The following MAP2K5 variants were observed in gnomAD, a reference collection of about 807,000 sequenced individuals.
The protein encoded by MAP2K5 is mitogen-activated protein kinase kinase 5.
Under a neutral mutation model 83.1 loss-of-function variants are expected in MAP2K5, and 49 were observed. The observed-to-expected ratio is 0.59, with a 90% CI of 0.47 to 0.75. MAP2K5 has a LOEUF of 0.75. Ranked by LOEUF, MAP2K5 falls within the 30% of genes least tolerant of loss-of-function variation. The pLI is 0.00. For synonymous variants in MAP2K5, 202 were observed against 191.8 expected (o/e 1.05, Z -0.44); for missense variants, 457 against 557.5 (o/e 0.82, Z 1.82).
At chr15:67,613,310 C>A (rs940697776) in intron 8 of MAP2K5, among the ~76,000 whole-genome samples, 1 of 152,120 alleles carries the variant, frequency 6.6e-6, no homozygotes, top group Non-Finnish European at 1.5e-5. Context: ...ATTCCTAAGA[C>A]AATTCAAAAA....
At chr15:67,729,662 G>C (rs966823261) in intron 17 of MAP2K5, among the ~76,000 whole-genome samples, 1 of 152,008 alleles carries the variant, frequency 6.6e-6, no homozygotes, top group African/African-American at 2.4e-5. Context: ...TGTAGTCCCT[G>C]CTGAGGCAGG....
chr15:67,664,745 C>T lies in MAP2K5; in HGVS notation c.847+100C>T, dbSNP rs565691740. On this transcript the variant is annotated intron_variant, in intron 13 of 21. Coordinates refer to ENST00000178640, the MANE Select transcript of MAP2K5 (RefSeq NM_145160.3). ...GTAAGTGTTCTGACATTTAAGCCAG[C>T]TGATACATCTGGTACTCAAAAAGAT... 1.3e-4 allele frequency: 95 copies of T among 706,538 alleles called. No homozygotes were observed. The African/African-American group carries it at 1.5e-3, about 11-fold the overall frequency. The allele number at this position is 706,538 out of a possible 1,614,324, so 43.8% of individuals were successfully genotyped here.
Position 67,794,653 on chromosome 15 carries a change from A to T in MAP2K5, c.1243-11993A>T, listed in dbSNP as rs1435270024. On this transcript the variant is annotated intron_variant, in intron 21 of 21. Transcript: ENST00000178640. The surrounding 1 kb of genome is among the most constrained non-coding windows in gnomAD (Gnocchi z 4.6). ...CATCACAGCTGAAAAAAAAAAAAAA[A>T]AAAAGACGGTACTTCATTTAGCGTT... Among the ~76,000 whole-genome samples the T allele has an allele frequency of 6.6e-6, 1 of 152,032 alleles. No individual in the cohort carries two copies. Among genetic ancestry groups the T allele is most frequent in the Non-Finnish European group, 1.5e-5 (1 of 68,008 alleles).
chr15:67,718,539 G>A (rs1013185782), intron 16 of MAP2K5, among the ~76,000 whole-genome samples: 42 of 152,204 alleles, frequency 2.8e-4, no homozygotes, highest in African/African-American at 9.9e-4. Flanking sequence ...TGAGGTGGGT[G>A]GATCACTTGA....
rs1269197873 is a variant in MAP2K5, at chr15:67,637,081, T to C, written c.585+6154T>C. On this transcript the variant is annotated intron_variant, in intron 9 of 21. Coordinates refer to ENST00000178640, the MANE Select transcript of MAP2K5 (RefSeq NM_145160.3). The surrounding 1 kb of genome is among the most constrained non-coding windows in gnomAD (Gnocchi z 4.5). ...TTTTGGACTCTTGGACCTACACCAG[T>C]GATTTGCCGGGGGCTTTCAGGCCTT... is the stretch of plus-strand genomic sequence containing the variant. Among the ~76,000 whole-genome samples, 1 of 152,134 alleles carries C rather than the reference T, an allele frequency of 6.6e-6. No individual in the cohort carries two copies. Among genetic ancestry groups the C allele is most frequent in the Non-Finnish European group, 1.5e-5 (1 of 68,022 alleles).
At chr15:67,605,316 G>T (rs1015298082) in intron 8 of MAP2K5, among the ~76,000 whole-genome samples, 1 of 151,786 alleles carries the variant, frequency 6.6e-6, no homozygotes, top group Non-Finnish European at 1.5e-5. Context: ...GCCTCCCAAA[G>T]TGCTGGGATT....
At chr15:67,721,307 G>C (rs531720300) in intron 16 of MAP2K5, among the ~76,000 whole-genome samples, 1 of 152,132 alleles carries the variant, frequency 6.6e-6, no homozygotes, top group African/African-American at 2.4e-5. Flanking sequence ...GCTACTGTTT[G>C]GGCTCCTTAA....
chr15:67,642,602 C>G lies in MAP2K5; in HGVS notation c.586-3629C>G, dbSNP rs7174461. On this transcript the variant is annotated intron_variant, in intron 9 of 21. Coordinates refer to ENST00000178640, the MANE Select transcript of MAP2K5 (RefSeq NM_145160.3). The stretch of plus-strand genomic sequence containing the variant: ...AGAGAGAGGAAGCACACCCCAAGTA[C>G]AGGAAACAGCAGGAGCAAAGGCTGT... 5.5e-6 allele frequency: 4 copies of G among 730,554 alleles called. No homozygotes were observed. In the African/African-American group the frequency reaches 6.9e-5, roughly 13 times the overall value. The allele number at this position is 730,554 out of a possible 1,614,324, so 45.3% of individuals were successfully genotyped here. A position where few individuals can be genotyped will look rare whatever the true frequency, so the allele number is the denominator to read the frequency against.
rs1198473226 is a variant in MAP2K5 at position 67,806,621 on chromosome 15, C to T, written c.1243-25C>T. 10 of 1,543,424 alleles carry T rather than the reference C, an allele frequency of 6.5e-6. No individual in the cohort carries two copies. In the Middle Eastern group the frequency reaches 6.7e-4, roughly 104 times the overall value. On this transcript the variant is annotated intron_variant, in intron 21 of 21. Transcript: ENST00000178640. ...GCGCGGGAGTCCGAGGACTGCCTGT[C>T]ACAGCCTCCTCCTCTTCCCCGCAGG...
chr15:67,680,049 C>G (rs931575985), intron 13 of MAP2K5: 1 of 152,204 alleles, frequency 6.6e-6, no homozygotes, highest in Non-Finnish European at 1.5e-5. Context: ...CTTTTCTGGA[C>G]ATTTTATATA....
intron 12 of MAP2K5, 25 bp downstream of exon 12, chr15:67,658,639 G>A (rs189737162): frequency 6.3e-7 from 1 of 1,575,896 alleles, no homozygotes; most frequent in East Asian, 2.2e-5. Flanking sequence ...TCAGTGTTAG[G>A]AAATTTGAGT....
rs184642061 is a variant in MAP2K5, at chr15:67,617,864, T to A, written c.546-13024T>A. ...TGCCACCATGCCCAGCTAATTTTTT[T>A]AAATTTTTTGTTGAGATGAGGTATC... On this transcript the variant is annotated intron_variant, in intron 8 of 21. Transcript: ENST00000178640. Among the ~76,000 whole-genome samples the A allele has an allele frequency of 4.8e-3, 729 of 152,214 alleles. 7 individuals carry two copies. The highest frequency in any genetic ancestry group is 0.01 in the Middle Eastern group (3 of 294).
chr15:67,578,184 G>C (rs919883859), intron 3 of MAP2K5, among the ~76,000 whole-genome samples: 28 of 152,190 alleles, frequency 1.8e-4, no homozygotes, highest in Non-Finnish European at 1.0e-4. Context: ...TAGTGATGGA[G>C]CTCCTGGGTT....
At chr15:67,567,825 T>C (rs2084872319) in intron 3 of MAP2K5, among the ~76,000 whole-genome samples, 3 of 152,230 alleles carry the variant, frequency 2.0e-5, no homozygotes, top group African/African-American at 7.2e-5. Flanking sequence ...TCTCATTTTC[T>C]AGAAAGATTG....
chr15:67,614,355 C>A (rs1035903551), intron 8 of MAP2K5, among the ~76,000 whole-genome samples: 1 of 152,056 alleles, frequency 6.6e-6, no homozygotes, highest in Non-Finnish European at 1.5e-5. Flanking sequence ...TCTGAAGTAG[C>A]CATTTATGTA....
At position 67,769,209 on chromosome 15, in the gene MAP2K5, G is replaced by A. The variant is rs902126081; in HGVS notation, c.1135-393G>A. On this transcript the variant is annotated intron_variant, in intron 19 of 21. Transcript: ENST00000178640. The surrounding 1 kb of genome is among the most constrained non-coding windows in gnomAD (Gnocchi z 5.2). ...ATAAAAAGGAAAGTGTAAATAAATA[G>A]CAAATCCAGTAAAAGAAACAAAGGT... Among the ~76,000 whole-genome samples the A allele has an allele frequency of 1.3e-5, 2 of 151,996 alleles. No individual in the cohort carries two copies. The highest frequency in any genetic ancestry group is 2.9e-5 in the Non-Finnish European group (2 of 67,994).
chr15:67,628,710 T>G, intron 8 of MAP2K5: 5 of 828,976 alleles, frequency 6.0e-6, no homozygotes, highest in Middle Eastern at 3.5e-4. Context: ...AGGAAAGCCC[T>G]GTTAAAGCAA....
intron 21 of MAP2K5, among the ~76,000 whole-genome samples, chr15:67,784,665 G>A (rs1352286611): frequency 6.6e-6 from 1 of 152,224 alleles, no homozygotes; most frequent in African/African-American, 2.4e-5. Context: ...CTGTTAGTTG[G>A]TTATCTGAGG....
rs955900834 is a variant in MAP2K5, at chr15:67,677,200, A to G, written c.847+12555A>G. 6.6e-6 allele frequency among the ~76,000 whole-genome samples: 1 copy of G among 152,202 alleles called. No homozygotes were observed. The highest frequency in any genetic ancestry group is 2.4e-5 in the African/African-American group (1 of 41,454). On this transcript the variant is annotated intron_variant, in intron 13 of 21. Transcript: ENST00000178640. This position sits in a 1 kb window ranked among gnomAD's most constrained non-coding sequence, Gnocchi z 4.2. ...GGGATAATCCATCCTATTAGTTCCAATAAGATTTAGCTCATAAATATAATG... is the reference window on the plus strand; with the variant it reads ...GGGATAATCCATCCTATTAGTTCCAGTAAGATTTAGCTCATAAATATAATG...
Sources: allele counts gnomAD v4.1 joint callset (sites outside exome capture counted in the v4.1 genomes callset), GRCh38; gene constraint gnomAD v4.1.1; non-coding constraint Gnocchi (gnomAD v3.1); transcripts MANE v1.5; gene names NCBI Gene and HGNC (gene_info 2026-07-23, HGNC 2026-07-21).